Variants in ADAM28 observed in about 807,000 individuals in gnomAD.
ADAM28 encodes the protein disintegrin and metalloproteinase domain-containing protein 28.
ADAM28 carries 105 observed loss-of-function variants against 101.2 expected under a neutral mutation model. The observed-to-expected ratio is 1.04, with a 90% confidence interval of 0.89 to 1.22. The LOEUF is 1.22. Among genes scored for constraint, ADAM28 ranks in the 50% most tolerant of loss-of-function variants. ADAM28 has a pLI of 0.00. For missense variants in ADAM28, 1,028 were observed against 945.4 expected, an observed-to-expected ratio of 1.09 and a Z score of -1.15; for synonymous variants, 322 against 310.6, an observed-to-expected ratio of 1.04 and a Z score of -0.39.
chr8:24,356,336 C>CTGA lies in ADAM28; in HGVS notation c.*1935_*1937dup, dbSNP rs1816683923. ...TAGATTCACCTAATCCTTTTTTATACTGATGGAATGGAAATCTTAAATCTA... is the reference window on the plus strand; with the variant it reads ...TAGATTCACCTAATCCTTTTTTATACTGATGATGGAATGGAAATCTTAAATCTA... On this transcript the variant is annotated 3_prime_UTR_variant, in exon 23 of 23. Coordinates refer to ENST00000265769, the MANE Select transcript of ADAM28 (RefSeq NM_014265.6). 1 of 152,084 alleles carries CTGA rather than the reference C, an allele frequency of 6.6e-6. No homozygotes were observed. The highest frequency in any genetic ancestry group is 1.5e-5 in the Non-Finnish European group (1 of 68,024). The allele number at this position is 152,084 out of a possible 1,614,324, so 9.4% of individuals were successfully genotyped here.
At chr8:24,320,367 T>C in intron 7 of ADAM28, 60 bp downstream of exon 7, 1 of 1,087,006 alleles carries the variant, frequency 9.2e-7, no homozygotes, top group Non-Finnish European at 1.4e-6. Context: ...TATTTATTTA[T>C]TATGTGAGAC....
intron 2 of ADAM28, among the ~76,000 whole-genome samples, chr8:24,308,483 G>T (rs1016625485): frequency 3.9e-5 from 6 of 152,172 alleles, no homozygotes; most frequent in African/African-American, 1.4e-4. Context: ...AGCCATTGCT[G>T]AACAGGAAGC....
At position 24,356,924 on chromosome 8, in the gene ADAM28, A is replaced by T. The variant is rs570295625; in HGVS notation, c.*2520A>T. 2.2e-4 allele frequency: 34 copies of T among 152,304 alleles called. No homozygotes were observed. The highest frequency in any genetic ancestry group is 7.7e-4 in the African/African-American group (32 of 41,576). 9.4% of individuals were successfully genotyped at this position (152,304 alleles called of 1,614,324 possible). A position where few individuals can be genotyped will look rare whatever the true frequency, so the allele number is the denominator to read the frequency against. Reference sequence around the variant, plus strand: ...AATAATGAAGTATGCATGAAAAGAAAGCAAATTTTAGTTGGTTGCAGTCAG... The same window carrying T: ...AATAATGAAGTATGCATGAAAAGAATGCAAATTTTAGTTGGTTGCAGTCAG... On this transcript the variant is annotated 3_prime_UTR_variant, in exon 23 of 23. Transcript: ENST00000265769.
intron 4 of ADAM28, chr8:24,310,446 G>GTT (rs1040831126): frequency 6.2e-4 from 292 of 474,032 alleles, no homozygotes; most frequent in Non-Finnish European, 4.2e-4. Flanking sequence ...ACTCCGGTAA[G>GTT]TTTTTCCAGC....
intron 14 of ADAM28, chr8:24,335,895 A>G: frequency 8.4e-7 from 1 of 1,189,108 alleles, no homozygotes; most frequent in Non-Finnish European, 1.1e-6. Flanking sequence ...TTGTCTCAGC[A>G]TCAGTATATC....
intron 14 of ADAM28, among the ~76,000 whole-genome samples, chr8:24,336,921 T>C (rs1016381016): frequency 1.3e-5 from 2 of 152,196 alleles, no homozygotes; most frequent in African/African-American, 2.4e-5. Context: ...TTTATTAAAA[T>C]AGAGAAAATC....
At chr8:24,338,607 A>G (rs62502750) in intron 14 of ADAM28, among the ~76,000 whole-genome samples, 26,664 of 152,032 alleles carry the variant, frequency 0.18, 2,423 homozygotes, top group East Asian at 0.35. Flanking sequence ...ATTTTATCTT[A>G]CACATTGAAA....
chr8:24,331,168 C>T lies in ADAM28; in HGVS notation c.1122C>T (p.Asp374=), dbSNP rs763328019. The change falls in exon 12 of 23, where the codon GAC becomes GAT. Residue 374 remains aspartate (D), a synonymous_variant. Transcript: ENST00000265769. ...TTCACAGCTTCTATATACCCACAGA[C>T]TTCAGTTCCTGCAGCCGTCTCAGCT... is the stretch of plus-strand genomic sequence containing the variant. The part of the protein sequence containing the change: ...DKALSFYIPT[D]FSSCSRLSYD... The T allele has an allele frequency of 3.1e-6, 5 of 1,612,130 alleles. No individual in the cohort carries two copies. The African/African-American group carries it at 6.7e-5, about 22-fold the overall frequency.
chr8:24,310,786 G>A (rs1293574993), intron 4 of ADAM28, among the ~76,000 whole-genome samples: 1 of 152,044 alleles, frequency 6.6e-6, no homozygotes, highest in African/African-American at 2.4e-5. Context: ...TAATATCAGA[G>A]TTTACATGGG....
At chr8:24,304,930 A>AAAAAGAG (rs1199301806) in intron 2 of ADAM28, among the ~76,000 whole-genome samples, 1 of 115,438 alleles carries the variant, frequency 8.7e-6, no homozygotes, top group Non-Finnish European at 1.9e-5. Flanking sequence ...AAAAAAAAAA[A>AAAAAGAG]ATAGATTATG....
intron 21 of ADAM28, among the ~76,000 whole-genome samples, chr8:24,353,509 T>C (rs1816414857): frequency 6.6e-6 from 1 of 152,098 alleles, no homozygotes; most frequent in Admixed American, 6.6e-5. Flanking sequence ...TCTTCAACTG[T>C]TATTTGTAGT....
chr8:24,312,387 C>T (rs919576537), intron 5 of ADAM28, among the ~76,000 whole-genome samples: 3 of 152,036 alleles, frequency 2.0e-5, no homozygotes, highest in Non-Finnish European at 1.5e-5. Context: ...GCCCCTCAGC[C>T]CTGCATTTTC....
At position 24,351,307 on chromosome 8, in the gene ADAM28, A is replaced by G. The variant is rs1259966802; in HGVS notation, c.2175A>G (p.Gln725=). 1.7e-5 allele frequency: 28 copies of G among 1,613,432 alleles called. No individual in the cohort carries two copies. The highest frequency in any genetic ancestry group is 1.7e-4 in the Middle Eastern group (1 of 6,054). ...KPQMVKAVQP[Q]EMSQMKPHVY... is the part of the protein sequence containing the mutation. ...AGATGGTAAAGGCTGTTCAACCCCA[A>G]GAGGTGAACTATATAGTCTGGGCTG... The change falls in exon 20 of 23, where the codon CAA becomes CAG. Residue 725 remains glutamine (Q), a synonymous_variant. Coordinates refer to ENST00000265769, the MANE Select transcript of ADAM28 (RefSeq NM_014265.6).
intron 10 of ADAM28, among the ~76,000 whole-genome samples, chr8:24,329,700 C>T (rs981410998): frequency 2.6e-5 from 4 of 151,960 alleles, no homozygotes; most frequent in African/African-American, 9.7e-5. Flanking sequence ...GTTCTGATTT[C>T]TTATTGTTGA....
At chr8:24,298,946 C>T (rs545738851) in intron 1 of ADAM28, among the ~76,000 whole-genome samples, 1 of 151,910 alleles carries the variant, frequency 6.6e-6, no homozygotes, top group East Asian at 1.9e-4. Flanking sequence ...AATCCCAGCA[C>T]TTTGGGAGGC....
chr8:24,334,797 G>T (rs937756765), intron 13 of ADAM28, among the ~76,000 whole-genome samples: 1 of 152,224 alleles, frequency 6.6e-6, no homozygotes, highest in Non-Finnish European at 1.5e-5. Flanking sequence ...AGGAATGGCA[G>T]AATTTGTTTC....
chr8:24,334,365 G>T (rs757534292), intron 13 of ADAM28, among the ~76,000 whole-genome samples: 6 of 152,134 alleles, frequency 3.9e-5, no homozygotes, highest in Non-Finnish European at 7.3e-5. Context: ...ATGCAAAGCC[G>T]AGATTCAAAT....
intron 8 of ADAM28, among the ~76,000 whole-genome samples, chr8:24,322,896 A>G (rs1447138944): frequency 6.6e-6 from 1 of 151,962 alleles, no homozygotes; most frequent in African/African-American, 2.4e-5. Context: ...TTAAGCTTTT[A>G]TCTTTAGAGT....
chr8:24,312,250 T>C (rs1399440066), intron 5 of ADAM28, among the ~76,000 whole-genome samples: 1 of 152,178 alleles, frequency 6.6e-6, no homozygotes, highest in Non-Finnish European at 1.5e-5. Context: ...AATCTCAGTA[T>C]GCCTTAAACC....
Sources: allele counts gnomAD v4.1 joint callset (sites outside exome capture counted in the v4.1 genomes callset), GRCh38; gene constraint gnomAD v4.1.1; transcripts MANE v1.5; gene names NCBI Gene and HGNC (gene_info 2026-07-23, HGNC 2026-07-21).